Variants in HMG20B observed in about 807,000 individuals in gnomAD.
HMG20B encodes high mobility group 20B.
HMG20B carries 24 observed loss-of-function variants against 41.6 expected under a neutral mutation model. The ratio of observed to expected loss-of-function variants is 0.58; its 90% confidence interval spans 0.42 to 0.81. The LOEUF is 0.81. Among genes scored for constraint, HMG20B ranks in the 30% least tolerant of loss-of-function variants. HMG20B has a pLI of 0.00. For synonymous variants in HMG20B, 251 were observed against 186.6 expected (o/e 1.34, Z -2.81); for missense variants, 461 against 444.0 (o/e 1.04, Z -0.34).
At chr19:3,577,704 A>T (rs1169730372) in intron 8 of HMG20B, among the ~76,000 whole-genome samples, 12 of 92,490 alleles carry the variant, frequency 1.3e-4, no homozygotes, top group African/African-American at 4.7e-4. Context: ...CCCCGGTGTC[A>T]TCCCCACCTC....
Position 3,576,595 on chromosome 19 carries a change from T to A in HMG20B, c.562T>A (p.Phe188Ile). Residue 188 changes from phenylalanine to isoleucine, a missense_variant, in exon 7 of 10, where the codon TTC becomes ATC. Physicochemically the swap from Phe to Ile is conservative, Grantham distance 21. Coordinates refer to ENST00000333651, the MANE Select transcript of HMG20B (RefSeq NM_006339.3). ...DGFSTFDVPIFTEEFLDQNKA... is the reference protein window; with the variant it reads ...DGFSTFDVPIITEEFLDQNKA... ...CTTCTCCACCTTCGATGTTCCCATC[T>A]TCACTGAAGAGTTCTTGGACCAAAA... is the stretch of plus-strand genomic sequence containing the variant. The A allele has an allele frequency of 6.2e-7, 1 of 1,613,660 alleles. No homozygotes were observed. Among genetic ancestry groups the A allele is most frequent in the Non-Finnish European group, 8.5e-7 (1 of 1,179,772 alleles).
At chr19:3,576,115 G>A in intron 5 of HMG20B, 146 bp from the exon 6 acceptor site, 2 of 686,358 alleles carry the variant, frequency 2.9e-6, no homozygotes, top group South Asian at 1.6e-5. Flanking sequence ...AGTGAAGGGG[G>A]CTCACTCGGT....
At position 3,573,546 on chromosome 19, in the gene HMG20B, G is replaced by A. The variant is rs866133472; in HGVS notation, c.39-146G>A. The A allele has an allele frequency of 1.7e-5, 15 of 904,732 alleles. 1 individual carries two copies. The Middle Eastern group carries it at 3.4e-3, about 204-fold the overall frequency. 56.0% of individuals were successfully genotyped at this position (904,732 alleles called of 1,614,324 possible). On this transcript the variant is annotated intron_variant, in intron 2 of 9. Transcript: ENST00000333651. ...GAGCCCCGCTTGTCCCACCTTCCCCGGATACTGACCCCATCAGACCCTGCC... is the reference window on the plus strand; with the variant it reads ...GAGCCCCGCTTGTCCCACCTTCCCCAGATACTGACCCCATCAGACCCTGCC...
intron 3 of HMG20B, chr19:3,574,072 G>A: frequency 1.6e-6 from 1 of 644,100 alleles, no homozygotes; most frequent in South Asian, 1.7e-5. Flanking sequence ...CCTTGGTCCT[G>A]TGGGCCCGTT....
At chr19:3,578,234 C>T (rs764218979) in intron 9 of HMG20B, 121 bp downstream of exon 9, 73 of 1,387,908 alleles carry the variant, frequency 5.3e-5, no homozygotes, top group African/African-American at 1.6e-4. Context: ...AGATCACCTC[C>T]CGGAGGGGCC....
chr19:3,573,573 C>T (rs1393103996), intron 2 of HMG20B, 119 bp from the exon 3 acceptor site: 13 of 1,004,568 alleles, frequency 1.3e-5, no homozygotes, highest in Non-Finnish European at 1.8e-5. Flanking sequence ...GACCCTGCCT[C>T]CTCGGGCTCA....
chr19:3,574,747 C>G (rs375041837), intron 4 of HMG20B, among the ~76,000 whole-genome samples, 161 bp downstream of exon 4: 1 of 141,870 alleles, frequency 7.0e-6, no homozygotes, highest in African/African-American at 2.7e-5. Flanking sequence ...GAGATGGAGT[C>G]TTGCTCTGTT....
rs569115025 is a variant in HMG20B, at chr19:3,576,455, C to T, written c.520-98C>T. The T allele has an allele frequency of 8.9e-6, 12 of 1,348,380 alleles. No individual in the cohort carries two copies. In the African/African-American group the frequency reaches 1.4e-4, roughly 16 times the overall value. 83.5% of individuals were successfully genotyped at this position (1,348,380 alleles called of 1,614,324 possible). On this transcript the variant is annotated intron_variant, in intron 6 of 9. Coordinates refer to ENST00000333651, the MANE Select transcript of HMG20B (RefSeq NM_006339.3). ...GGATCGCTGTTGATTGTACTCCCAC[C>T]GGGGTGTCCCAGGAGACCCTCCTAG...
intron 5 of HMG20B, 111 bp downstream of exon 5, chr19:3,575,771 C>A (rs1599855354): frequency 6.9e-6 from 6 of 871,854 alleles, no homozygotes; most frequent in Non-Finnish European, 1.0e-5. Flanking sequence ...GTGAAACCCT[C>A]CCCCTCTACT....
At chr19:3,574,640 A>G in intron 4 of HMG20B, 54 bp downstream of exon 4, 1 of 1,466,228 alleles carries the variant, frequency 6.8e-7, no homozygotes, top group Non-Finnish European at 9.2e-7. Flanking sequence ...ACTACCCCCC[A>G]GTAGCCCCGA....
chr19:3,578,289 A>G lies in HMG20B; in HGVS notation c.941+176A>G, dbSNP rs754072014. The G allele has an allele frequency of 5.1e-4, 584 of 1,139,764 alleles. 8 individuals carry two copies. Among genetic ancestry groups the G allele is most frequent in the Non-Finnish European group, 1.7e-4 (136 of 818,334 alleles). The allele number at this position is 1,139,764 out of a possible 1,614,324, so 70.6% of individuals were successfully genotyped here. On this transcript the variant is annotated intron_variant, in intron 9 of 9. Transcript: ENST00000333651. ...TGCACCAGTGCTAGGATGGCCATGG[A>G]GAACCCCGGGCCGGCGGGACCCACT...
rs112619287 is a variant in HMG20B at position 3,574,179 on chromosome 19, T to A, written c.148-204T>A. On this transcript the variant is annotated intron_variant, in intron 3 of 9. Transcript: ENST00000333651. ...AAACCTCGGCCCATAGTTCCTCAGATCCCCTCACCCCTGGCCAGGGATCCC... is the reference window on the plus strand; with the variant it reads ...AAACCTCGGCCCATAGTTCCTCAGAACCCCTCACCCCTGGCCAGGGATCCC... The A allele has an allele frequency of 5.4e-3, 3,328 of 611,586 alleles. 112 individuals are homozygous for A. The East Asian group carries it at 0.075, about 14-fold the overall frequency. 37.9% of individuals were successfully genotyped at this position (611,586 alleles called of 1,614,324 possible). A position where few individuals can be genotyped will look rare whatever the true frequency, so the allele number is the denominator to read the frequency against.
chr19:3,576,405 G>A, intron 6 of HMG20B, 98 bp downstream of exon 6: 1 of 1,409,110 alleles, frequency 7.1e-7, no homozygotes, highest in Non-Finnish European at 1.0e-6. Flanking sequence ...ATGTGTGCAA[G>A]CAGGGGCGGT....
At position 3,578,657 on chromosome 19, in the gene HMG20B, A is replaced by G. The variant is rs766911186; in HGVS notation, c.*136A>G. 1 of 1,147,666 alleles carries G rather than the reference A, an allele frequency of 8.7e-7. No homozygotes were observed. Among genetic ancestry groups the G allele is most frequent in the African/African-American group, 1.5e-5 (1 of 65,516 alleles). 71.1% of individuals were successfully genotyped at this position (1,147,666 alleles called of 1,614,324 possible). On this transcript the variant is annotated 3_prime_UTR_variant, in exon 10 of 10. Transcript: ENST00000333651. ...GCACCTTGGGGGCTCCAGCCCCCCT[A>G]AAATTAAATTTCTGCAGCATCCCTT...
chr19:3,574,698 T>A (rs530150406), intron 4 of HMG20B, 112 bp downstream of exon 4: 1 of 975,782 alleles, frequency 1.0e-6, no homozygotes, highest in African/African-American at 1.7e-5. Context: ...CCTGGAGAAA[T>A]GCCCACCCAT....
intron 3 of HMG20B, 86 bp from the exon 4 acceptor site, chr19:3,574,297 A>G (rs368804181): frequency 5.2e-6 from 1 of 193,658 alleles, no homozygotes; most frequent in Non-Finnish European, 9.3e-6. Flanking sequence ...ATCCCCGCCC[A>G]TACGCGTTAG....
intron 3 of HMG20B, 30 bp downstream of exon 3, chr19:3,573,830 G>A (rs769477763): frequency 1.7e-5 from 27 of 1,555,422 alleles, no homozygotes; most frequent in South Asian, 9.1e-5. Flanking sequence ...GCTGGGGGAG[G>A]CCCCGGGCTC....
chr19:3,573,635 C>G (rs1010891061), intron 2 of HMG20B, 57 bp from the exon 3 acceptor site: 108 of 1,411,658 alleles, frequency 7.7e-5, no homozygotes, highest in Non-Finnish European at 9.9e-5. Flanking sequence ...CTGGGGTGGG[C>G]TTTTGGGGGA....
intron 1 of HMG20B, 126 bp downstream of exon 1, chr19:3,573,120 A>G: frequency 1.9e-6 from 1 of 527,702 alleles, no homozygotes; most frequent in Non-Finnish European, 3.3e-6. Context: ...GCAATCGCCC[A>G]ACAAAGGATT....
Sources: allele counts gnomAD v4.1 joint callset (sites outside exome capture counted in the v4.1 genomes callset), GRCh38; gene constraint gnomAD v4.1.1; transcripts MANE v1.5; gene names NCBI Gene and HGNC (gene_info 2026-07-23, HGNC 2026-07-21).